Variants in OXCT1 observed in about 807,000 individuals in gnomAD.
OXCT1 encodes succinyl-CoA:3-ketoacid coenzyme A transferase 1, mitochondrial.
A neutral mutation model predicts 69.6 loss-of-function variants in OXCT1; 27 were observed. That is an observed-to-expected ratio of 0.39 (90% CI 0.29 to 0.54). OXCT1 has a LOEUF of 0.54. Among genes scored for constraint, OXCT1 ranks in the 20% least tolerant of loss-of-function variants. The probability of loss-of-function intolerance (pLI) is 0.72; values close to 1 mark genes in which losing one functional copy is unlikely to be tolerated. For synonymous variants in OXCT1, 202 were observed against 217.8 expected (o/e 0.93, Z 0.64); for missense variants, 437 against 650.2 (o/e 0.67, Z 3.57).
intron 5 of OXCT1, among the ~76,000 whole-genome samples, chr5:41,844,246 C>T (rs886931252): frequency 6.6e-6 from 1 of 152,170 alleles, no homozygotes; most frequent in Admixed American, 6.5e-5. Flanking sequence ...GTCACCACTT[C>T]CTCACTTTTT....
chr5:41,857,084 T>C (rs776422368), intron 3 of OXCT1, among the ~76,000 whole-genome samples: 2 of 152,138 alleles, frequency 1.3e-5, no homozygotes, highest in Non-Finnish European at 2.9e-5. Context: ...ACATTGAATC[T>C]ATCAGGAAAT....
At chr5:41,840,720 T>C (rs1459267425) in intron 6 of OXCT1, among the ~76,000 whole-genome samples, 1 of 152,210 alleles carries the variant, frequency 6.6e-6, no homozygotes, top group Non-Finnish European at 1.5e-5. Context: ...ATGTATATAG[T>C]TTTGTTTTGA....
chr5:41,790,355 G>A (rs761327622), intron 13 of OXCT1, among the ~76,000 whole-genome samples: 5 of 152,136 alleles, frequency 3.3e-5, no homozygotes, highest in Admixed American at 6.5e-5. Context: ...TCATTTATTC[G>A]CTTGCCTGGG....
chr5:41,867,155 G>A (rs1206134444), intron 1 of OXCT1, among the ~76,000 whole-genome samples: 1 of 152,100 alleles, frequency 6.6e-6, no homozygotes, highest in Non-Finnish European at 1.5e-5. Flanking sequence ...CTTTAGTGTT[G>A]ATTTGTGACT....
intron 1 of OXCT1, among the ~76,000 whole-genome samples, chr5:41,868,553 C>G (rs1467581703): frequency 6.6e-6 from 1 of 152,022 alleles, no homozygotes. Flanking sequence ...GAAACCCCGT[C>G]TCTACTAAAA....
chr5:41,747,530 G>C (rs1189226160), intron 15 of OXCT1, among the ~76,000 whole-genome samples: 1 of 152,072 alleles, frequency 6.6e-6, no homozygotes, highest in Non-Finnish European at 1.5e-5. Flanking sequence ...GTTAGGATAA[G>C]TACAAAGATT....
At chr5:41,776,477 CA>C (rs1216640053) in intron 13 of OXCT1, among the ~76,000 whole-genome samples, 1 of 152,014 alleles carries the variant, frequency 6.6e-6, no homozygotes, top group Non-Finnish European at 1.5e-5. Context: ...TGTTTTTCAT[CA>C]AAATGAAAAC....
intron 7 of OXCT1, among the ~76,000 whole-genome samples, chr5:41,811,480 A>G (rs1746984021): frequency 6.6e-6 from 1 of 152,076 alleles, no homozygotes; most frequent in African/African-American, 2.4e-5. Flanking sequence ...ATGTAGAGAA[A>G]GAGGAGGTCA....
intron 13 of OXCT1, among the ~76,000 whole-genome samples, chr5:41,764,260 C>A (rs749368948): frequency 1.3e-5 from 2 of 152,148 alleles, no homozygotes; most frequent in Non-Finnish European, 1.5e-5. Flanking sequence ...AACACCAAAT[C>A]TCTCTGAATT....
chr5:41,757,707 A>G (rs1257710116), intron 14 of OXCT1, among the ~76,000 whole-genome samples: 2 of 152,116 alleles, frequency 1.3e-5, no homozygotes, highest in African/African-American at 2.4e-5. Context: ...TTCATAAAAC[A>G]TTGGCTCATT....
intron 13 of OXCT1, among the ~76,000 whole-genome samples, chr5:41,766,164 T>C (rs911021971): frequency 6.6e-6 from 1 of 152,168 alleles, no homozygotes; most frequent in Non-Finnish European, 1.5e-5. Context: ...GGAGAGATGA[T>C]TGCTGGATGC....
chr5:41,772,806 A>T (rs1415056517), intron 13 of OXCT1, among the ~76,000 whole-genome samples: 1 of 152,170 alleles, frequency 6.6e-6, no homozygotes, highest in Non-Finnish European at 1.5e-5. Context: ...TGTGGAGGCA[A>T]GTCTAACCAC....
chr5:41,829,017 GA>G (rs957018302), intron 7 of OXCT1, among the ~76,000 whole-genome samples: 24 of 150,782 alleles, frequency 1.6e-4, no homozygotes, highest in Admixed American at 2.6e-4. Flanking sequence ...ATATTACAGA[GA>G]AAAAAAAATG....
chr5:41,738,507 C>T (rs1743001048), intron 16 of OXCT1, among the ~76,000 whole-genome samples: 1 of 152,210 alleles, frequency 6.6e-6, no homozygotes, highest in East Asian at 1.9e-4. Context: ...GCTTCTCCTT[C>T]ACCTTCTGCC....
chr5:41,738,695 C>G lies in OXCT1; in HGVS notation c.1521+695G>C, dbSNP rs548690101. Among the ~76,000 whole-genome samples the G allele has an allele frequency of 2.0e-5, 3 of 152,334 alleles. No individual in the cohort carries two copies. In the East Asian group the frequency reaches 5.8e-4, roughly 29 times the overall value. On this transcript the variant is annotated intron_variant, in intron 16 of 16. Transcript: ENST00000196371. Reference sequence around the variant, plus strand: ...TTGGTTAACTTCAAATAGACTGAGCCATGCTTTCAATGCCATTAGCTAGGT... The same window carrying G: ...TTGGTTAACTTCAAATAGACTGAGCGATGCTTTCAATGCCATTAGCTAGGT...
At chr5:41,753,320 C>CACATAG (rs59062562) in intron 14 of OXCT1, among the ~76,000 whole-genome samples, 1 of 151,732 alleles carries the variant, frequency 6.6e-6, no homozygotes, top group African/African-American at 2.4e-5. Context: ...GACACACACA[C>CACATAG]ACACACACAC....
At chr5:41,784,418 A>C (rs1294168032) in intron 13 of OXCT1, among the ~76,000 whole-genome samples, 1 of 152,222 alleles carries the variant, frequency 6.6e-6, no homozygotes, top group Non-Finnish European at 1.5e-5. Flanking sequence ...AATAAGAGTC[A>C]TATGTACTCA....
intron 13 of OXCT1, among the ~76,000 whole-genome samples, chr5:41,767,319 A>G (rs1744653649): frequency 3.3e-5 from 5 of 152,050 alleles, no homozygotes; most frequent in Non-Finnish European, 7.4e-5. Context: ...ATGTAAACCA[A>G]CTAATATGGA....
At chr5:41,852,972 G>A (rs573913955) in intron 4 of OXCT1, among the ~76,000 whole-genome samples, 2 of 152,214 alleles carry the variant, frequency 1.3e-5, no homozygotes, top group South Asian at 2.1e-4. Context: ...TCAGGAGGCC[G>A]AGGCAGGAGA....
Sources: gnomAD v4.1 joint callset for allele counts (sites outside exome capture counted in the v4.1 genomes callset) on GRCh38, gnomAD v4.1.1 for gene constraint, MANE v1.5 for transcripts, NCBI Gene and HGNC (gene_info 2026-07-23, HGNC 2026-07-21) for gene names.